The following PAM variants were observed in gnomAD, a reference collection of about 807,000 sequenced individuals.
PAM encodes the protein peptidyl-glycine alpha-amidating monooxygenase.
A neutral mutation model predicts 122.1 loss-of-function variants in PAM; 72 were observed. The observed-to-expected ratio is 0.59, with a 90% CI of 0.49 to 0.72. The LOEUF is 0.72. Ranked by LOEUF, PAM falls within the 30% of genes least tolerant of loss-of-function variation. The probability of loss-of-function intolerance (pLI) is 0.00; values close to 1 mark genes in which losing one functional copy is unlikely to be tolerated. For missense variants in PAM, 1,106 were observed against 1,183.7 expected (o/e 0.93, Z 0.96); for synonymous variants, 389 against 404.4 (o/e 0.96, Z 0.46).
intron 1 of PAM, among the ~76,000 whole-genome samples, chr5:102,817,169 G>T (rs184364205): frequency 6.6e-6 from 1 of 151,914 alleles, no homozygotes; most frequent in Non-Finnish European, 1.5e-5. Context: ...AATATTATTT[G>T]AAACCTAGCT....
rs543442851 is a variant in PAM, at chr5:102,932,587, G to GTA, written c.526+5929_526+5930dup. ...TGTATAGATATATATACATATAATT[G>GTA]TATATATATATCTGCACTCCAGCCT... On this transcript the variant is annotated intron_variant, in intron 7 of 25. Coordinates refer to ENST00000438793, the MANE Select transcript of PAM (RefSeq NM_001177306.2). 1.9e-3 allele frequency among the ~76,000 whole-genome samples: 277 copies of GTA among 148,112 alleles called. 1 individual carries two copies. The highest frequency in any genetic ancestry group is 6.3e-3 in the African/African-American group (254 of 40,452).
chr5:102,913,902 A>G (rs575313648), intron 4 of PAM, 32 bp from the exon 5 acceptor site: 1 of 1,220,822 alleles, frequency 8.2e-7, no homozygotes, highest in East Asian at 2.3e-5. Flanking sequence ...TGTAACTTGT[A>G]TTCACATACA....
At chr5:102,774,821 C>T (rs1277868395) in intron 1 of PAM, among the ~76,000 whole-genome samples, 1 of 152,012 alleles carries the variant, frequency 6.6e-6, no homozygotes. Context: ...TATTTTTTAA[C>T]ATACTTAATG....
chr5:102,822,022 A>G (rs532444978), intron 1 of PAM, among the ~76,000 whole-genome samples: 9 of 152,144 alleles, frequency 5.9e-5, no homozygotes, highest in Non-Finnish European at 1.0e-4. Context: ...TATTTACCCA[A>G]TTTGGGGGAT....
chr5:102,814,128 T>C (rs1768844297), intron 1 of PAM, among the ~76,000 whole-genome samples: 1 of 152,174 alleles, frequency 6.6e-6, no homozygotes, highest in South Asian at 2.1e-4. Flanking sequence ...CATGAGGGGA[T>C]GGCAACTGGA....
At chr5:102,757,812 G>A (rs1430592125) in intron 1 of PAM, among the ~76,000 whole-genome samples, 8 of 151,962 alleles carry the variant, frequency 5.3e-5, no homozygotes, top group Non-Finnish European at 1.0e-4. Context: ...AGGCTGAGGC[G>A]GGAGTATTGC....
rs564323579 is a variant in PAM at position 102,864,751 on chromosome 5, C to T, written c.-373-1072C>T. On this transcript the variant is annotated intron_variant, in intron 1 of 25. Transcript: ENST00000438793. ...TCAAATTCATTTGAGATTCTTGGAA[C>T]GATGTTTATAGTTACTGACTAAAAT... is the stretch of plus-strand genomic sequence containing the variant. Among the ~76,000 whole-genome samples, 8 of 152,182 alleles carry T rather than the reference C, an allele frequency of 5.3e-5. No homozygotes were observed. In the East Asian group the frequency reaches 1.4e-3, roughly 26 times the overall value.
At chr5:102,998,272 A>G (rs982801814) in intron 16 of PAM, among the ~76,000 whole-genome samples, 3 of 152,212 alleles carry the variant, frequency 2.0e-5, no homozygotes, top group Non-Finnish European at 2.9e-5. Flanking sequence ...CAGTTATCTT[A>G]CAGAAATACT....
chr5:102,872,617 T>C (rs187043766), intron 3 of PAM, among the ~76,000 whole-genome samples: 322 of 152,320 alleles, frequency 2.1e-3, no homozygotes, highest in Non-Finnish European at 4.1e-3. Context: ...GAATCAGTTT[T>C]AAAATATCAA....
chr5:102,797,825 T>A (rs1354312919), intron 1 of PAM, among the ~76,000 whole-genome samples: 1 of 152,194 alleles, frequency 6.6e-6, no homozygotes, highest in East Asian at 1.9e-4. Context: ...CTTTCCTGTA[T>A]GCTTAGGCCA....
Position 103,029,146 on chromosome 5 carries a change from G to A in PAM, c.*81G>A. 8.7e-7 allele frequency: 1 copy of A among 1,148,548 alleles called. No individual in the cohort carries two copies. The highest frequency in any genetic ancestry group is 1.2e-6 in the Non-Finnish European group (1 of 807,724). The allele number at this position is 1,148,548 out of a possible 1,614,324, so 71.1% of individuals were successfully genotyped here. ...CCCTTTAGCACGTTTAAAGTTCTGT[G>A]TATTTAATTGTAAACTGTACTAGTC... On this transcript the variant is annotated 3_prime_UTR_variant, in exon 26 of 26. Transcript: ENST00000438793.
At chr5:102,907,754 G>T (rs994385143) in intron 4 of PAM, among the ~76,000 whole-genome samples, 29 of 152,052 alleles carry the variant, frequency 1.9e-4, no homozygotes, top group African/African-American at 7.0e-4. Flanking sequence ...GTGCTTTTTG[G>T]CTGCATAAAT....
chr5:102,852,488 G>A (rs978188642), intron 1 of PAM, among the ~76,000 whole-genome samples: 6 of 151,716 alleles, frequency 4.0e-5, no homozygotes, highest in South Asian at 4.2e-4. Context: ...AAAGGGTAAC[G>A]GTTTCTGGTT....
intron 1 of PAM, among the ~76,000 whole-genome samples, chr5:102,798,129 T>C (rs1763833468): frequency 6.6e-6 from 1 of 152,140 alleles, no homozygotes; most frequent in South Asian, 2.1e-4. Flanking sequence ...TATAGAACCA[T>C]AGTCTTTGTC....
intron 1 of PAM, among the ~76,000 whole-genome samples, chr5:102,785,780 C>T (rs1222455925): frequency 3.3e-5 from 5 of 151,680 alleles, no homozygotes; most frequent in East Asian, 1.9e-4. Flanking sequence ...GTTTTTGTCT[C>T]GTTGGAAATT....
intron 14 of PAM, among the ~76,000 whole-genome samples, chr5:102,969,782 T>C (rs1765265474): frequency 6.6e-6 from 1 of 152,174 alleles, no homozygotes; most frequent in African/African-American, 2.4e-5. Flanking sequence ...GACAGTTTTG[T>C]AACACCAGTT....
At chr5:102,963,938 A>G (rs946196728) in intron 14 of PAM, among the ~76,000 whole-genome samples, 7 of 151,072 alleles carry the variant, frequency 4.6e-5, no homozygotes, top group Non-Finnish European at 7.4e-5. Flanking sequence ...GTAGAAAGAT[A>G]TAAGTCAAGA....
intron 7 of PAM, among the ~76,000 whole-genome samples, chr5:102,946,573 G>C (rs1481245986): frequency 2.0e-5 from 3 of 147,464 alleles, no homozygotes; most frequent in Non-Finnish European, 4.5e-5. Flanking sequence ...ATGTCTGCAG[G>C]AAAGTCAATA....
intron 14 of PAM, among the ~76,000 whole-genome samples, chr5:102,962,815 C>T (rs577973920): frequency 5.7e-4 from 86 of 151,862 alleles, no homozygotes; most frequent in African/African-American, 1.9e-3. Flanking sequence ...CATTCATTTA[C>T]CCTTTTGTGT....
Sources: allele counts gnomAD v4.1 joint callset (sites outside exome capture counted in the v4.1 genomes callset), GRCh38; gene constraint gnomAD v4.1.1; transcripts MANE v1.5; gene names NCBI Gene and HGNC (gene_info 2026-07-23, HGNC 2026-07-21).